Variants in ROBO1 observed in about 807,000 individuals in gnomAD.
ROBO1 encodes roundabout homolog 1.
In ROBO1, 149 loss-of-function variants were observed where a neutral mutation model predicts 195.9. That is an observed-to-expected ratio of 0.76 (90% CI 0.67 to 0.87). ROBO1 has a LOEUF of 0.87. Among genes scored for constraint, ROBO1 ranks in the 40% least tolerant of loss-of-function variants. The pLI is 0.00. For synonymous variants in ROBO1, 816 were observed against 733.2 expected (o/e 1.11, Z -1.82); for missense variants, 1,933 against 2,068.3 (o/e 0.93, Z 1.27).
intron 1 of ROBO1, among the ~76,000 whole-genome samples, chr3:79,625,406 C>T (rs115233507): frequency 9.5e-3 from 221 of 23,194 alleles, no homozygotes; most frequent in African/African-American, 0.023. Context: ...TCAAGTAATC[C>T]AGTAGCTGTT....
At chr3:79,758,983 G>A (rs961986740) in intron 1 of ROBO1, among the ~76,000 whole-genome samples, 1 of 152,058 alleles carries the variant, frequency 6.6e-6, no homozygotes, top group Non-Finnish European at 1.5e-5. Context: ...ATTTATATTT[G>A]GTATAGAGAT....
At position 79,054,891 on chromosome 3, in the gene ROBO1, C is replaced by T. The variant is rs1027489016; in HGVS notation, c.172+70565G>A. Among the ~76,000 whole-genome samples, 47 of 152,072 alleles carry T rather than the reference C, an allele frequency of 3.1e-4. 1 individual carries two copies. Among genetic ancestry groups the T allele is most frequent in the Non-Finnish European group, 8.8e-5 (6 of 68,004 alleles). On this transcript the variant is annotated intron_variant, in intron 3 of 30. Transcript: ENST00000464233. ...ACATTGCGTTTCCACTTCAGGCGGT[C>T]CCAACGCAGCCTCCAGCACAAACAA...
chr3:78,863,615 G>C (rs907020697), intron 4 of ROBO1, among the ~76,000 whole-genome samples: 2 of 152,120 alleles, frequency 1.3e-5, no homozygotes, highest in African/African-American at 4.8e-5. Context: ...TTGTTTTATA[G>C]TTTCTTCATT....
intron 5 of ROBO1, among the ~76,000 whole-genome samples, chr3:78,733,663 A>G (rs2082330912): frequency 6.6e-6 from 1 of 152,234 alleles, no homozygotes; most frequent in Non-Finnish European, 1.5e-5. Context: ...AGAATTAAAT[A>G]AACTATTTAG....
chr3:79,029,298 T>TA (rs2078253737), intron 3 of ROBO1, among the ~76,000 whole-genome samples: 1 of 152,048 alleles, frequency 6.6e-6, no homozygotes, highest in Non-Finnish European at 1.5e-5. Flanking sequence ...AAAATAATTT[T>TA]TAAAAAGTCA....
chr3:78,823,125 G>T (rs2108688137), intron 4 of ROBO1, among the ~76,000 whole-genome samples: 1 of 151,864 alleles, frequency 6.6e-6, no homozygotes, highest in Non-Finnish European at 1.5e-5. Flanking sequence ...GTCTTCAATA[G>T]TGAAGATTCA....
At chr3:78,729,214 T>G (rs1380802368) in intron 5 of ROBO1, among the ~76,000 whole-genome samples, 2 of 152,190 alleles carry the variant, frequency 1.3e-5, no homozygotes, top group African/African-American at 2.4e-5. Flanking sequence ...CCTATGATAA[T>G]TTGATTATAG....
At chr3:78,781,735 G>C (rs1026061242) in intron 4 of ROBO1, among the ~76,000 whole-genome samples, 1 of 152,060 alleles carries the variant, frequency 6.6e-6, no homozygotes, top group Non-Finnish European at 1.5e-5. Flanking sequence ...CAGGGCTATA[G>C]AAAACAATCC....
At chr3:78,740,620 C>A (rs986720237) in intron 5 of ROBO1, among the ~76,000 whole-genome samples, 2 of 151,804 alleles carry the variant, frequency 1.3e-5, no homozygotes, top group Non-Finnish European at 2.9e-5. Context: ...TACAGGCATG[C>A]ACCATGACGC....
At chr3:78,664,045 C>T (rs1397887568) in intron 14 of ROBO1, among the ~76,000 whole-genome samples, 1 of 152,150 alleles carries the variant, frequency 6.6e-6, no homozygotes, top group African/African-American at 2.4e-5. Flanking sequence ...ACCTAGTACC[C>T]ATGACAGCAA....
chr3:79,381,373 A>AAGAAAAGAAAAGAAAAGAAAAG (rs1553730431), intron 2 of ROBO1, among the ~76,000 whole-genome samples: 5 of 115,426 alleles, frequency 4.3e-5, no homozygotes, highest in African/African-American at 1.7e-4. Context: ...AAAAAAAAAA[A>AAGAAAAGAAAAGAAAAGAAAAG]AAAAGAAAAG....
At position 78,938,644 on chromosome 3, in the gene ROBO1, G is replaced by C; in HGVS notation, c.456C>G (p.Tyr152Ter). ...CATTGTGGCTCACAGCCTCTCCAAG[G>C]TAATTCCTTGCTACACAGACATAGA... The part of the protein sequence containing the change: ...EGVYVCVARN[Y>*]LGEAVSHNAS... Residue 152 changes from tyrosine to a stop codon, truncating the protein, a stop_gained, in exon 4 of 31, where the codon TAC becomes TAG. Transcript: ENST00000464233. LOFTEE classifies it high-confidence loss of function. 1 of 1,613,836 alleles carries C rather than the reference G, an allele frequency of 6.2e-7. No individual in the cohort carries two copies. Among genetic ancestry groups the C allele is most frequent in the Non-Finnish European group, 8.5e-7 (1 of 1,179,792 alleles).
intron 4 of ROBO1, among the ~76,000 whole-genome samples, chr3:78,927,545 T>G (rs1369123774): frequency 6.6e-6 from 1 of 152,184 alleles, no homozygotes; most frequent in Non-Finnish European, 1.5e-5. Flanking sequence ...GACTGAAGTC[T>G]TACAGAAAAG....
intron 2 of ROBO1, among the ~76,000 whole-genome samples, chr3:79,337,270 A>T (rs950188404): frequency 6.6e-6 from 1 of 152,298 alleles, no homozygotes; most frequent in East Asian, 1.9e-4. Flanking sequence ...GTGGAATGAT[A>T]TGGATTGTCT....
chr3:79,322,990 T>C (rs550001648), intron 2 of ROBO1, among the ~76,000 whole-genome samples: 37 of 152,278 alleles, frequency 2.4e-4, no homozygotes, highest in African/African-American at 7.7e-4. Flanking sequence ...TAGGATATCC[T>C]TCAGTTATAA....
At chr3:78,990,235 G>C (rs974747845) in intron 3 of ROBO1, among the ~76,000 whole-genome samples, 1 of 152,094 alleles carries the variant, frequency 6.6e-6, no homozygotes, top group African/African-American at 2.4e-5. Context: ...TGCCATTTTG[G>C]TCATACTGAA....
intron 1 of ROBO1, among the ~76,000 whole-genome samples, chr3:79,712,243 C>A (rs1195838795): frequency 6.6e-6 from 1 of 151,996 alleles, no homozygotes; most frequent in Non-Finnish European, 1.5e-5. Flanking sequence ...GCCTCTTGTG[C>A]CAAAAAGTTA....
In ROBO1 at chr3:79,107,463, AT is replaced by A. The variant is rs60291427; in HGVS notation, c.172+17992del. On this transcript the variant is annotated intron_variant, in intron 3 of 30. Transcript: ENST00000464233. Reference sequence around the variant, plus strand: ...GAGCATCATATAAATTACTTTTTGTATGTTGTTTCATTTAAAAATAAAATCC... The same window carrying A: ...GAGCATCATATAAATTACTTTTTGTAGTTGTTTCATTTAAAAATAAAATCC... Among the ~76,000 whole-genome samples the A allele has an allele frequency of 8.2e-3, 1,239 of 151,876 alleles. 14 individuals carry two copies. Among genetic ancestry groups the A allele is most frequent in the African/African-American group, 0.028 (1,172 of 41,538 alleles).
chr3:78,627,686 T>C (rs1294209374), intron 25 of ROBO1, 117 bp from the exon 26 acceptor site: 10 of 1,110,202 alleles, frequency 9.0e-6, no homozygotes, highest in East Asian at 2.6e-5. Flanking sequence ...CTCAGTCACA[T>C]TAAGGAGATA....
Sources: gnomAD v4.1 joint callset for allele counts (sites outside exome capture counted in the v4.1 genomes callset) on GRCh38, gnomAD v4.1.1 for gene constraint, MANE v1.5 for transcripts, NCBI Gene and HGNC (gene_info 2026-07-23, HGNC 2026-07-21) for gene names.